DHX57: variants seen among roughly 807,000 people sequenced by gnomAD.
DHX57 encodes DExH-box helicase 57.
A neutral mutation model predicts 156.2 loss-of-function variants in DHX57; 105 were observed. That is an observed-to-expected ratio of 0.67 (90% CI 0.57 to 0.79). DHX57 has a LOEUF of 0.79. Among genes scored for constraint, DHX57 ranks in the 30% least tolerant of loss-of-function variants. The probability of loss-of-function intolerance (pLI) is 0.00; values close to 1 mark genes in which losing one functional copy is unlikely to be tolerated. For synonymous variants in DHX57, 704 were observed against 595.6 expected (o/e 1.18, Z -2.65); for missense variants, 1,847 against 1,661.9 (o/e 1.11, Z -1.94).
intron 19 of DHX57, among the ~76,000 whole-genome samples, chr2:38,818,036 T>C (rs964155660): frequency 6.6e-6 from 1 of 152,124 alleles, no homozygotes; most frequent in Non-Finnish European, 1.5e-5. Context: ...TAGGTTCTGA[T>C]AGATGTAAGA....
intron 16 of DHX57, among the ~76,000 whole-genome samples, chr2:38,824,771 C>T (rs557949923): frequency 5.3e-5 from 8 of 152,284 alleles, no homozygotes; most frequent in Admixed American, 5.2e-4. Flanking sequence ...CTTCAGCCTC[C>T]TAAGAAACTG....
rs1461409106 is a variant in DHX57 at position 38,797,800 on chromosome 2, G to A, written c.*499C>T. The stretch of plus-strand genomic sequence containing the variant: ...AGTCAAGTTTACTCAGTAGCCAATA[G>A]CCTAAAATGAAATTTTAATTTTGCT... On this transcript the variant is annotated 3_prime_UTR_variant, in exon 24 of 24. Transcript: ENST00000457308. 6.4e-6 allele frequency: 1 copy of A among 155,862 alleles called. No individual in the cohort carries two copies. Among genetic ancestry groups the A allele is most frequent in the Non-Finnish European group, 1.5e-5 (1 of 68,206 alleles). 9.7% of individuals were successfully genotyped at this position (155,862 alleles called of 1,614,324 possible).
At chr2:38,804,816 G>A (rs183372437) in intron 22 of DHX57, among the ~76,000 whole-genome samples, 422 of 152,236 alleles carry the variant, frequency 2.8e-3, no homozygotes, top group Non-Finnish European at 4.2e-3. Context: ...TTTAGGATTT[G>A]CTCAGTTGTT....
rs1341653232 is a variant in DHX57 at position 38,875,773 on chromosome 2, A to C, written c.-7+14T>G. On this transcript the variant is annotated intron_variant, in intron 1 of 23. Transcript: ENST00000457308. ...ACAACGCGCATCACTTGTCCGCAGA[A>C]GTGGAAGACGTACCTGGCTCGCAGA... The C allele has an allele frequency of 5.6e-6, 2 of 357,974 alleles. No individual in the cohort carries two copies. Among genetic ancestry groups the C allele is most frequent in the Non-Finnish European group, 1.0e-5 (2 of 200,664 alleles). 22.2% of individuals were successfully genotyped at this position (357,974 alleles called of 1,614,324 possible).
intron 17 of DHX57, among the ~76,000 whole-genome samples, chr2:38,822,118 CTT>C (rs1301554276): frequency 6.6e-6 from 1 of 152,038 alleles, no homozygotes; most frequent in Admixed American, 6.6e-5. Flanking sequence ...GAATTTCGCT[CTT>C]GTTGCCCAGG....
Position 38,813,908 on chromosome 2 carries a change from C to G in DHX57, c.3607-13G>C. The G allele has an allele frequency of 1.2e-6, 2 of 1,611,670 alleles. No individual in the cohort carries two copies. Among genetic ancestry groups the G allele is most frequent in the African/African-American group, 2.7e-5 (2 of 74,938 alleles). On this transcript the variant is annotated splice_polypyrimidine_tract_variant and intron_variant, in intron 20 of 23. Coordinates refer to ENST00000457308, the MANE Select transcript of DHX57 (RefSeq NM_198963.3). ...CATTTGAGTTTGCCTATGAGAAAAG[C>G]ACAGCATTAATTAACAAGTGATATG... is the stretch of plus-strand genomic sequence containing the variant.
chr2:38,859,879 T>G (rs944535255), intron 5 of DHX57, among the ~76,000 whole-genome samples: 4 of 150,094 alleles, frequency 2.7e-5, no homozygotes, highest in Non-Finnish European at 5.9e-5. Flanking sequence ...CGAAATGCAA[T>G]GACTCACTGC....
chr2:38,855,349 T>G, intron 7 of DHX57, 97 bp from the exon 8 acceptor site: 1 of 1,303,046 alleles, frequency 7.7e-7, no homozygotes, highest in South Asian at 1.2e-5. Flanking sequence ...TAAAGCTAAT[T>G]AGAATAAAAG....
intron 11 of DHX57, among the ~76,000 whole-genome samples, chr2:38,846,761 G>A (rs865929932): frequency 7.2e-5 from 11 of 151,952 alleles, no homozygotes; most frequent in African/African-American, 2.4e-4. Flanking sequence ...CTGAAATCAA[G>A]TGCAGAAAAA....
chr2:38,830,721 G>A (rs978044311), intron 13 of DHX57, among the ~76,000 whole-genome samples: 1 of 151,890 alleles, frequency 6.6e-6, no homozygotes, highest in African/African-American at 2.4e-5. Context: ...ATGGAGCTTG[G>A]ACACAAACCT....
chr2:38,809,469 C>CCTT (rs757267797), intron 21 of DHX57, among the ~76,000 whole-genome samples: 1 of 32,658 alleles, frequency 3.1e-5, no homozygotes, highest in Non-Finnish European at 9.3e-5. Flanking sequence ...TTTTTTTTTT[C>CCTT]TTTTTTTTTT....
At chr2:38,858,607 C>T (rs1219270981) in intron 6 of DHX57, 54 bp downstream of exon 6, 16 of 1,536,316 alleles carry the variant, frequency 1.0e-5, no homozygotes, top group Admixed American at 4.2e-5. Context: ...ATTCCTAATC[C>T]CATCATCCAG....
At position 38,861,153 on chromosome 2, in the gene DHX57, C is replaced by T. The variant is rs751940324; in HGVS notation, c.1257G>A (p.Ser419=). Residue 419 remains serine, a synonymous_variant, in exon 5 of 24, where the codon TCG becomes TCA. Coordinates refer to ENST00000457308, the MANE Select transcript of DHX57 (RefSeq NM_198963.3). ...YSLITLLEEE[S]EIVKLLTNTH... ...TATTCGTTAGTAACTTGACTATTTC[C>T]GACTCTTCCTCTAAAAGGGTTATCA... 7.4e-6 allele frequency: 12 copies of T among 1,614,150 alleles called. No homozygotes were observed. Among genetic ancestry groups the T allele is most frequent in the South Asian group, 3.3e-5 (3 of 91,076 alleles).
chr2:38,862,021 T>TAGGCCTATC (rs1673253991), intron 4 of DHX57, 124 bp downstream of exon 4: 1 of 1,249,046 alleles, frequency 8.0e-7, no homozygotes, highest in Non-Finnish European at 1.1e-6. Flanking sequence ...GATAGAATAT[T>TAGGCCTATC]AGGCCTATCA....
At chr2:38,802,125 C>T (rs1456206723) in intron 23 of DHX57, among the ~76,000 whole-genome samples, 5 of 152,006 alleles carry the variant, frequency 3.3e-5, no homozygotes, top group Non-Finnish European at 5.9e-5. Context: ...AAGGAAGGTC[C>T]AGCACCCTCA....
intron 12 of DHX57, among the ~76,000 whole-genome samples, chr2:38,839,239 C>T (rs112462334): frequency 0.014 from 2,176 of 151,900 alleles, 66 homozygotes; most frequent in African/African-American, 0.05. Context: ...CACCTCAGCT[C>T]TTTTAAAAGC....
In DHX57 at chr2:38,806,556, G is replaced by A. The variant is rs781563533; in HGVS notation, c.3816+3C>T. On this transcript the variant is annotated splice_donor_region_variant and intron_variant, in intron 22 of 23. Coordinates refer to ENST00000457308, the MANE Select transcript of DHX57 (RefSeq NM_198963.3). ...AACATTAAGTATACTCCACCATTCT[G>A]ACCTGATAGTTCACTGATGAAGGGT... 5.0e-6 allele frequency: 8 copies of A among 1,613,708 alleles called. No homozygotes were observed. Among genetic ancestry groups the A allele is most frequent in the Non-Finnish European group, 6.8e-6 (8 of 1,179,962 alleles).
At chr2:38,799,575 A>AC in intron 23 of DHX57, among the ~76,000 whole-genome samples, 1 of 147,410 alleles carries the variant, frequency 6.8e-6, no homozygotes. Flanking sequence ...ACATGGAGAA[A>AC]CCCCATCTCT....
chr2:38,806,741 C>G (rs769193124), intron 21 of DHX57, 48 bp from the exon 22 acceptor site: 1 of 1,545,522 alleles, frequency 6.5e-7, no homozygotes, highest in South Asian at 1.2e-5. Flanking sequence ...TATATATTCT[C>G]ATAGAAAGTA....
Sources: allele counts gnomAD v4.1 joint callset (sites outside exome capture counted in the v4.1 genomes callset), GRCh38; gene constraint gnomAD v4.1.1; transcripts MANE v1.5; gene names NCBI Gene and HGNC (gene_info 2026-07-23, HGNC 2026-07-21).